Variants in MSH4 observed in about 807,000 individuals in gnomAD.
MSH4 encodes the protein mutS homolog 4.
In MSH4, 106 loss-of-function variants were observed where a neutral mutation model predicts 113.7. That is an observed-to-expected ratio of 0.93 (90% CI 0.80 to 1.10). The LOEUF is 1.10. Among genes scored for constraint, MSH4 ranks in the 50% least tolerant of loss-of-function variants. MSH4 has a pLI of 0.00. For synonymous variants in MSH4, 368 were observed against 380.2 expected, an observed-to-expected ratio of 0.97 and a Z score of 0.37; for missense variants, 1,061 against 1,093.7, an observed-to-expected ratio of 0.97 and a Z score of 0.42.
In MSH4 at chr1:75,912,783, C is replaced by G. The variant is rs778648033; in HGVS notation, c.2707C>G (p.Gln903Glu). ...TRLVQTARNS[Q>E]LDPDSLRIYL... ...GCTTGTTCAAACTGCTCGAAACTCT[C>G]AATTGGATCCAGACAGTTTACGAAT... The change falls in exon 20 of 20, where the codon CAA becomes GAA. Residue 903 changes from glutamine to glutamate, a missense_variant. Coordinates refer to ENST00000263187, the MANE Select transcript of MSH4 (RefSeq NM_002440.4). The G allele has an allele frequency of 3.1e-6, 5 of 1,596,286 alleles. No homozygotes were observed. The South Asian group carries it at 5.6e-5, about 18-fold the overall frequency.
rs565911459 is a variant in MSH4, at chr1:75,827,466, G to A, written c.1162+4885G>A. 3.3e-5 allele frequency among the ~76,000 whole-genome samples: 5 copies of A among 152,208 alleles called. No homozygotes were observed. In the South Asian group the frequency reaches 1.0e-3, roughly 32 times the overall value. On this transcript the variant is annotated intron_variant, in intron 7 of 19. Transcript: ENST00000263187. The stretch of plus-strand genomic sequence containing the variant: ...ATAACCAGCTAGCATCATGATGATA[G>A]GATCAAATTCACACATAACAATATT...
chr1:75,885,241 ATT>A (rs1652045698), intron 15 of MSH4, among the ~76,000 whole-genome samples: 1 of 142,380 alleles, frequency 7.0e-6, no homozygotes, highest in Non-Finnish European at 1.5e-5. Flanking sequence ...AAATATATAT[ATT>A]ATATACATTA....
chr1:75,892,941 A>T (rs1426143973), intron 17 of MSH4, among the ~76,000 whole-genome samples: 2 of 152,122 alleles, frequency 1.3e-5, no homozygotes, highest in African/African-American at 4.8e-5. Flanking sequence ...TTCTACTCGA[A>T]ATTGAGCCTT....
At chr1:75,905,883 GTT>G (rs1215919345) in intron 19 of MSH4, among the ~76,000 whole-genome samples, 2 of 151,712 alleles carry the variant, frequency 1.3e-5, no homozygotes, top group Non-Finnish European at 2.9e-5. Context: ...CTCTTTTTTG[GTT>G]TTTATTTATC....
At chr1:75,835,937 T>G (rs888891915) in intron 7 of MSH4, among the ~76,000 whole-genome samples, 2 of 152,186 alleles carry the variant, frequency 1.3e-5, no homozygotes, top group African/African-American at 4.8e-5. Flanking sequence ...CCTTTTACCT[T>G]TCGGAGTTCA....
intron 19 of MSH4, among the ~76,000 whole-genome samples, chr1:75,908,145 T>G (rs1315906292): frequency 7.7e-6 from 1 of 130,454 alleles, no homozygotes; most frequent in Non-Finnish European, 1.6e-5. Flanking sequence ...AAAACTTTCA[T>G]CTGTTTTTTT....
At chr1:75,881,201 C>T in intron 13 of MSH4, 45 bp from the exon 14 acceptor site, 1 of 1,473,506 alleles carries the variant, frequency 6.8e-7, no homozygotes. Context: ...ATGTATGTCC[C>T]TTTTGAAAAA....
At chr1:75,856,978 TTCTAACTGGCATG>T (rs1303367379) in intron 8 of MSH4, among the ~76,000 whole-genome samples, 1 of 152,206 alleles carries the variant, frequency 6.6e-6, no homozygotes, top group Non-Finnish European at 1.5e-5. Flanking sequence ...ATGATCGCCA[TTCTAACTGGCATG>T]TGATGGTATC....
chr1:75,890,691 T>G lies in MSH4; in HGVS notation c.2227-5T>G, dbSNP rs1457548732. The G allele has an allele frequency of 5.6e-6, 8 of 1,439,752 alleles. No homozygotes were observed. The allele number at this position is 1,439,752 out of a possible 1,614,324, so 89.2% of individuals were successfully genotyped here. On this transcript the variant is annotated splice_region_variant and splice_polypyrimidine_tract_variant and intron_variant, in intron 16 of 19. Coordinates refer to ENST00000263187, the MANE Select transcript of MSH4 (RefSeq NM_002440.4). ...ATGAATAAATATTAAAATTATATATTTCAGATAGCATATATTCTACATAAT... is the reference window on the plus strand; with the variant it reads ...ATGAATAAATATTAAAATTATATATGTCAGATAGCATATATTCTACATAAT...
chr1:75,878,776 G>A (rs1359007696), intron 11 of MSH4, among the ~76,000 whole-genome samples: 2 of 151,440 alleles, frequency 1.3e-5, no homozygotes, highest in African/African-American at 2.4e-5. Context: ...ACTGCAGTAA[G>A]TTATGATTGT....
At chr1:75,830,650 A>G (rs898731479) in intron 7 of MSH4, among the ~76,000 whole-genome samples, 6 of 152,220 alleles carry the variant, frequency 3.9e-5, no homozygotes, top group Non-Finnish European at 8.8e-5. Context: ...ATTCTTAAAG[A>G]AAAGAATTTT....
At chr1:75,885,055 GTGTGTA>G (rs1192203268) in intron 15 of MSH4, among the ~76,000 whole-genome samples, 25 of 102,252 alleles carry the variant, frequency 2.4e-4, no homozygotes, top group African/African-American at 7.8e-4. Flanking sequence ...GTGTGTGTGT[GTGTGTA>G]TATATATATA....
chr1:75,903,541 A>AT (rs937324308), intron 19 of MSH4, among the ~76,000 whole-genome samples: 7 of 151,758 alleles, frequency 4.6e-5, no homozygotes, highest in African/African-American at 9.7e-5. Flanking sequence ...AAATTTTAGG[A>AT]TTTTTTTCCA....
At chr1:75,797,402 C>G (rs908170799) in intron 1 of MSH4, among the ~76,000 whole-genome samples, 173 bp downstream of exon 1, 2 of 152,110 alleles carry the variant, frequency 1.3e-5, no homozygotes, top group Non-Finnish European at 2.9e-5. Flanking sequence ...CTTGACTTTT[C>G]AAATTGGTTC....
intron 7 of MSH4, among the ~76,000 whole-genome samples, chr1:75,838,705 C>T (rs1650887146): frequency 6.6e-6 from 1 of 152,162 alleles, no homozygotes; most frequent in Non-Finnish European, 1.5e-5. Context: ...CTTTAAGTTA[C>T]TTAAACATAT....
At chr1:75,879,592 G>C (rs1355280941) in intron 12 of MSH4, among the ~76,000 whole-genome samples, 1 of 152,020 alleles carries the variant, frequency 6.6e-6, no homozygotes, top group African/African-American at 2.4e-5. Context: ...TGTTCTATCT[G>C]CTTAGGGGGT....
At chr1:75,863,323 G>T (rs1651499302) in intron 8 of MSH4, among the ~76,000 whole-genome samples, 1 of 152,034 alleles carries the variant, frequency 6.6e-6, no homozygotes. Flanking sequence ...AACTGCAAGG[G>T]ATCTGAGATT....
At position 75,822,467 on chromosome 1, in the gene MSH4, C is replaced by T. The variant is rs146479652; in HGVS notation, c.1048C>T (p.Arg350Ter). ...TACTAAGACTCCTGGAGGGAGTAGACGACTTCGTTCTAATATATTAGAGCC... is the reference window on the plus strand; with the variant it reads ...TACTAAGACTCCTGGAGGGAGTAGATGACTTCGTTCTAATATATTAGAGCC... Reference protein sequence around the residue: ...NYTKTPGGSRRLRSNILEPLV... With the variant: ...NYTKTPGGSR The change falls in exon 7 of 20, where the codon CGA becomes TGA. Residue 350 changes from arginine to a stop codon, truncating the protein, a stop_gained. Coordinates refer to ENST00000263187, the MANE Select transcript of MSH4 (RefSeq NM_002440.4). LOFTEE classifies it high-confidence loss of function. 75 of 1,585,230 alleles carry T rather than the reference C, an allele frequency of 4.7e-5. No homozygotes were observed. The highest frequency in any genetic ancestry group is 3.4e-4 in the African/African-American group (25 of 72,870).
rs367728020 is a variant in MSH4, at chr1:75,899,708, T to C, written c.2619+2T>C. The C allele has an allele frequency of 5.7e-5, 85 of 1,483,244 alleles. No individual in the cohort carries two copies. The highest frequency in any genetic ancestry group is 7.2e-5 in the Non-Finnish European group (81 of 1,120,854). 91.9% of individuals were successfully genotyped at this position (1,483,244 alleles called of 1,614,324 possible). ...ACTCAAATTACGAGACAAATTTTGGTAAGAAACTTTGTTCTTATTTGTTCT... is the reference window on the plus strand; with the variant it reads ...ACTCAAATTACGAGACAAATTTTGGCAAGAAACTTTGTTCTTATTTGTTCT... On this transcript the variant is annotated splice_donor_variant, in intron 19 of 19. Transcript: ENST00000263187. LOFTEE classifies it high-confidence loss of function.
Sources: allele counts gnomAD v4.1 joint callset (sites outside exome capture counted in the v4.1 genomes callset), GRCh38; gene constraint gnomAD v4.1.1; transcripts MANE v1.5; gene names NCBI Gene and HGNC (gene_info 2026-07-23, HGNC 2026-07-21).